The following ANO3 variants were observed in gnomAD, a reference collection of about 807,000 sequenced individuals.
ANO3 encodes the protein anoctamin-3.
Under a neutral mutation model 144.8 loss-of-function variants are expected in ANO3, and 99 were observed. The observed-to-expected ratio is 0.68, with a 90% confidence interval of 0.58 to 0.81. The LOEUF (loss-of-function observed/expected upper bound fraction) is 0.81. Ranked by LOEUF, ANO3 falls within the 30% of genes least tolerant of loss-of-function variation. The pLI is 0.00. For missense variants in ANO3, 905 were observed against 1,202.2 expected (o/e 0.75, Z 3.66); for synonymous variants, 414 against 392.6 (o/e 1.05, Z -0.64).
rs370233281 is a variant in ANO3 at position 26,351,905 on chromosome 11, A to G, written c.46+19584A>G. ...CTTGATTGAAAATGCAAAGACAGGT[A>G]GAGAGGGCTGACAAAGGGACTGTTT... On this transcript the variant is annotated intron_variant, in intron 1 of 26. Transcript: ENST00000256737. 1.6e-3 allele frequency among the ~76,000 whole-genome samples: 244 copies of G among 152,290 alleles called. 11 individuals are homozygous for G. The South Asian group carries it at 0.049, about 30-fold the overall frequency.
At chr11:26,236,712 G>A (rs976864756) in intron 1 of ANO3, among the ~76,000 whole-genome samples, 7 of 151,592 alleles carry the variant, frequency 4.6e-5, no homozygotes, top group Non-Finnish European at 1.0e-4. Flanking sequence ...CAGCTACTCG[G>A]GAGGCTGAGG....
At chr11:26,547,309 G>A in intron 11 of ANO3, 107 bp from the exon 12 acceptor site, 2 of 1,103,008 alleles carry the variant, frequency 1.8e-6, no homozygotes, top group Non-Finnish European at 2.7e-6. Context: ...GAGGAACTGA[G>A]TGTAGCTTCA....
intron 4 of ANO3, among the ~76,000 whole-genome samples, chr11:26,492,410 A>C (rs1860745138): frequency 6.6e-6 from 1 of 152,200 alleles, no homozygotes. Flanking sequence ...CTGTTCAATA[A>C]AACTACCTTT....
chr11:26,244,107 ACT>A lies in ANO3; in HGVS notation c.154+54780_154+54781del, dbSNP rs1435014968. On this transcript the variant is annotated intron_variant, in intron 1 of 27. Coordinates refer to the ANO3 transcript ENST00000672621. Reference sequence around the variant, plus strand: ...ACTCCAACCTCAGCAACATAGCAAGACTCTGTCTGAAAAAAAAAAAAAAAGAA... The same window carrying A: ...ACTCCAACCTCAGCAACATAGCAAGACTGTCTGAAAAAAAAAAAAAAAGAA... 2.1e-5 allele frequency among the ~76,000 whole-genome samples: 3 copies of A among 143,934 alleles called. No homozygotes were observed. In the Admixed American group the frequency reaches 2.1e-4, roughly 10 times the overall value. The allele number at this position is 143,934 out of a possible 152,430, so 94.4% of individuals were successfully genotyped here.
chr11:26,504,502 A>T lies in ANO3; in HGVS notation c.433-3602A>T, dbSNP rs561396750. Among the ~76,000 whole-genome samples, 17 of 151,416 alleles carry T rather than the reference A, an allele frequency of 1.1e-4. No individual in the cohort carries two copies. In the South Asian group the frequency reaches 3.3e-3, roughly 30 times the overall value. On this transcript the variant is annotated intron_variant, in intron 4 of 26. Transcript: ENST00000256737. ...TATATCCTTGTAGAATAAGACTGTG[A>T]GCAAACAAAAGATAATTAATGAATA...
chr11:26,264,382 G>T (rs1853260353), intron 1 of ANO3, among the ~76,000 whole-genome samples: 1 of 152,142 alleles, frequency 6.6e-6, no homozygotes, highest in Non-Finnish European at 1.5e-5. Context: ...CCTGAAAGAA[G>T]TTCAGGGAAA....
intron 26 of ANO3, among the ~76,000 whole-genome samples, chr11:26,657,090 T>C (rs1853712974): frequency 6.6e-6 from 1 of 152,150 alleles, no homozygotes; most frequent in African/African-American, 2.4e-5. Flanking sequence ...CTGGGATATA[T>C]TGAGTATCTA....
chr11:26,314,354 A>G (rs1400493439), intron 1 of ANO3, among the ~76,000 whole-genome samples: 1 of 152,230 alleles, frequency 6.6e-6, no homozygotes, highest in Non-Finnish European at 1.5e-5. Flanking sequence ...TAAATTTGTG[A>G]AAACATTACT....
intron 1 of ANO3, among the ~76,000 whole-genome samples, chr11:26,362,296 G>T (rs942822809): frequency 1.3e-5 from 2 of 152,142 alleles, no homozygotes; most frequent in Admixed American, 1.3e-4. Context: ...GAGTTTTTGT[G>T]TATATTATCT....
intron 5 of ANO3, among the ~76,000 whole-genome samples, chr11:26,509,235 A>G (rs1341344862): frequency 2.0e-5 from 3 of 151,964 alleles, no homozygotes; most frequent in Non-Finnish European, 4.4e-5. Context: ...CAACTTAGAG[A>G]TTTACCCAGC....
chr11:26,561,264 C>T, intron 14 of ANO3: 2 of 1,475,486 alleles, frequency 1.4e-6, no homozygotes, highest in Non-Finnish European at 9.1e-7. Context: ...CACAGTGATA[C>T]TCTGAAAGAT....
intron 4 of ANO3, among the ~76,000 whole-genome samples, chr11:26,501,695 G>A (rs899633209): frequency 3.3e-5 from 5 of 152,194 alleles, no homozygotes; most frequent in African/African-American, 1.2e-4. Context: ...AGATCGGCAA[G>A]CTGAGGCAGA....
intron 1 of ANO3, among the ~76,000 whole-genome samples, chr11:26,223,909 G>A (rs904554163): frequency 6.6e-6 from 1 of 152,088 alleles, no homozygotes; most frequent in African/African-American, 2.4e-5. Context: ...TTCATATAAG[G>A]GATTTTCCCC....
Position 26,534,684 on chromosome 11 carries a change from A to AACAC in ANO3, c.976+127_976+130dup. 15 of 606,928 alleles carry AACAC rather than the reference A, an allele frequency of 2.5e-5. No individual in the cohort carries two copies. The South Asian group carries it at 4.0e-4, about 16-fold the overall frequency. 37.6% of individuals were successfully genotyped at this position (606,928 alleles called of 1,614,324 possible). A position where few individuals can be genotyped will look rare whatever the true frequency, so the allele number is the denominator to read the frequency against. ...TTAAATAGATGTGTATAACATATTG[A>AACAC]ACACACACTCTATAAGCATTCCATT... is the stretch of plus-strand genomic sequence containing the variant. On this transcript the variant is annotated intron_variant, in intron 9 of 26. Coordinates refer to ENST00000256737, the MANE Select transcript of ANO3 (RefSeq NM_031418.4).
At chr11:26,307,215 G>A (rs181031060), upstream of ANO3, among the ~76,000 whole-genome samples, 75 of 151,896 alleles carry the variant, frequency 4.9e-4, 2 homozygotes, top group Admixed American at 4.1e-3. Context: ...TTAGCCAGTC[G>A]TGGTGGCACA....
At chr11:26,524,837 A>G (rs1849122451) in intron 6 of ANO3, among the ~76,000 whole-genome samples, 1 of 152,136 alleles carries the variant, frequency 6.6e-6, no homozygotes, top group East Asian at 1.9e-4. Context: ...TTTAGTGTAT[A>G]CTCCAGCTAT....
At chr11:26,287,408 G>A (rs553624065) in intron 1 of ANO3, 1 of 152,240 alleles carries the variant, frequency 6.6e-6, no homozygotes, top group Admixed American at 6.5e-5. Context: ...TAAAGCAGAT[G>A]ACAATATCCA....
chr11:26,236,925 GA>G (rs1408229347), intron 1 of ANO3, among the ~76,000 whole-genome samples: 2 of 150,928 alleles, frequency 1.3e-5, no homozygotes, highest in Non-Finnish European at 2.9e-5. Flanking sequence ...AGTTATAAAA[GA>G]TTTTTTTTAA....
At chr11:26,516,571 A>C (rs1362276550) in intron 5 of ANO3, among the ~76,000 whole-genome samples, 1 of 151,958 alleles carries the variant, frequency 6.6e-6, no homozygotes, top group Non-Finnish European at 1.5e-5. Flanking sequence ...GGGATTCTGC[A>C]GGTTGAAAAT....
Sources: gnomAD v4.1 joint callset for allele counts (sites outside exome capture counted in the v4.1 genomes callset) on GRCh38, gnomAD v4.1.1 for gene constraint, MANE v1.5 for transcripts, NCBI Gene and HGNC (gene_info 2026-07-23, HGNC 2026-07-21) for gene names.